The following SOS2 variants were observed in gnomAD, a reference collection of about 807,000 sequenced individuals.
The protein encoded by SOS2 is SOS Ras/Rho guanine nucleotide exchange factor 2.
In SOS2, 65 loss-of-function variants were observed where a neutral mutation model predicts 148.2. The observed-to-expected ratio is 0.44, with a 90% CI of 0.36 to 0.54. The LOEUF (loss-of-function observed/expected upper bound fraction) is 0.54, where lower values mean the gene tolerates loss of function less well. SOS2 is among the 20% of genes least tolerant of loss of function. The probability of loss-of-function intolerance (pLI) is 0.00; values close to 1 mark genes in which losing one functional copy is unlikely to be tolerated. For synonymous variants in SOS2, 539 were observed against 537.1 expected (o/e 1.00, Z -0.05); for missense variants, 1,341 against 1,590.2 (o/e 0.84, Z 2.67).
Position 50,118,813 on chromosome 14 carries a change from G to A in SOS2, c.3530C>T (p.Pro1177Leu), listed in dbSNP as rs1566814839. 3 of 1,531,924 alleles carry A rather than the reference G, an allele frequency of 2.0e-6. No individual in the cohort carries two copies. Among genetic ancestry groups the A allele is most frequent in the Non-Finnish European group, 2.6e-6 (3 of 1,133,006 alleles). The allele number at this position is 1,531,924 out of a possible 1,614,324, so 94.9% of individuals were successfully genotyped here. ...TACCTTTGGAGGAGGAGGCTGTCTC[G>A]GTGGAATAGCAGGAGGATCATCATC... ...KSDDDPPAIPPRQPPPPKVKP... is the reference protein window; with the variant it reads ...KSDDDPPAIPLRQPPPPKVKP... Residue 1177 changes from proline to leucine, a missense_variant, in exon 23 of 23, where the codon CCG becomes CTG. Coordinates refer to ENST00000216373, the MANE Select transcript of SOS2 (RefSeq NM_006939.4).
At chr14:50,228,938 T>G (rs1159630809) in intron 1 of SOS2, among the ~76,000 whole-genome samples, 5 of 152,220 alleles carry the variant, frequency 3.3e-5, no homozygotes, top group Non-Finnish European at 4.4e-5. Context: ...AGGAGAGAGA[T>G]ATTCCAATCA....
intron 12 of SOS2, 48 bp downstream of exon 12, chr14:50,156,951 G>GTA (rs111550293): frequency 3.6e-6 from 3 of 844,252 alleles, no homozygotes; most frequent in East Asian, 6.1e-5. Context: ...GTGTGTGTGT[G>GTA]TATATATATG....
chr14:50,151,049 G>A (rs770393552), intron 13 of SOS2, among the ~76,000 whole-genome samples: 9 of 152,100 alleles, frequency 5.9e-5, no homozygotes, highest in Non-Finnish European at 4.4e-5. Context: ...AGTAGAAATA[G>A]GGTTTATCCA....
At chr14:50,158,198 A>G (rs1884878705) in intron 11 of SOS2, among the ~76,000 whole-genome samples, 1 of 152,130 alleles carries the variant, frequency 6.6e-6, no homozygotes, top group Admixed American at 6.5e-5. Flanking sequence ...TTTGTTTTAA[A>G]AGTGGAAAGT....
chr14:50,195,838 G>T (rs962862604), intron 4 of SOS2, among the ~76,000 whole-genome samples: 1 of 152,056 alleles, frequency 6.6e-6, no homozygotes, highest in South Asian at 2.1e-4. Context: ...AGACCAGCCT[G>T]GCCAACATAG....
intron 3 of SOS2, among the ~76,000 whole-genome samples, chr14:50,200,733 A>G (rs942759230): frequency 1.3e-5 from 2 of 152,294 alleles, no homozygotes; most frequent in Non-Finnish European, 2.9e-5. Flanking sequence ...TATCACTATT[A>G]ATAATTTTTA....
At chr14:50,147,218 A>C (rs570764868) in intron 14 of SOS2, among the ~76,000 whole-genome samples, 8 of 151,596 alleles carry the variant, frequency 5.3e-5, no homozygotes, top group Non-Finnish European at 1.2e-4. Flanking sequence ...AACAACAACA[A>C]CAAAAAACCA....
At chr14:50,141,434 CTGTT>C (rs1174347373) in intron 16 of SOS2, among the ~76,000 whole-genome samples, 3 of 150,538 alleles carry the variant, frequency 2.0e-5, no homozygotes, top group Non-Finnish European at 3.0e-5. Context: ...GGTAGGAAGA[CTGTT>C]TGAGCCTGGG....
At position 50,134,158 on chromosome 14, in the gene SOS2, T is replaced by C; in HGVS notation, c.3040A>G (p.Ile1014Val). ...GGCTGTTTGCAGTTTCGAGGTTCAA[T>C]TTCTAGTGACTTGTTGAACAAATAA... The part of the protein sequence containing the change: ...TDYLFNKSLE[I>V]EPRNCKQPPR... The change falls in exon 19 of 23, where the codon ATT (isoleucine) becomes GTT (valine). Residue 1014 changes from isoleucine to valine, a missense_variant. By Grantham distance (29) the Ile-to-Val change is conservative (BLOSUM62 3). This residue lies in a region of SOS2 where 408 missense variants were observed against 506.6 expected (regional missense o/e 0.81). Coordinates refer to ENST00000216373, the MANE Select transcript of SOS2 (RefSeq NM_006939.4). 6.2e-7 allele frequency: 1 copy of C among 1,605,482 alleles called. No homozygotes were observed. Among genetic ancestry groups the C allele is most frequent in the Non-Finnish European group, 8.5e-7 (1 of 1,172,688 alleles).
rs1886989979 is a variant in SOS2 at position 50,214,713 on chromosome 14, T to C, written c.88-10304A>G. Among the ~76,000 whole-genome samples, 4 of 151,570 alleles carry C rather than the reference T, an allele frequency of 2.6e-5. No individual in the cohort carries two copies. In the South Asian group the frequency reaches 8.4e-4, roughly 32 times the overall value. ...ATAAGGCCGTTTCTTTTTTTTTTTT[T>C]TTTTCTTTTTCTTTTAAAGATGAGG... On this transcript the variant is annotated intron_variant, in intron 1 of 22. Coordinates refer to ENST00000216373, the MANE Select transcript of SOS2 (RefSeq NM_006939.4).
intron 19 of SOS2, among the ~76,000 whole-genome samples, chr14:50,133,176 T>C (rs1181601507): frequency 1.3e-5 from 2 of 151,668 alleles, no homozygotes; most frequent in African/African-American, 2.4e-5. Flanking sequence ...TTTATGTTTA[T>C]CTTTTAATTC....
At chr14:50,200,880 C>T (rs1886464693) in intron 3 of SOS2, 73 bp downstream of exon 3, 3 of 1,438,762 alleles carry the variant, frequency 2.1e-6, no homozygotes, top group African/African-American at 2.8e-5. Context: ...TACATTAATG[C>T]TTTATAAATA....
chr14:50,169,557 T>C (rs1296650990), intron 8 of SOS2, among the ~76,000 whole-genome samples: 1 of 151,678 alleles, frequency 6.6e-6, no homozygotes, highest in Non-Finnish European at 1.5e-5. Context: ...GGAGAATCAC[T>C]TGAACCTGGG....
At chr14:50,208,506 G>A (rs946315222) in intron 1 of SOS2, among the ~76,000 whole-genome samples, 2 of 151,214 alleles carry the variant, frequency 1.3e-5, no homozygotes, top group Admixed American at 6.6e-5. Context: ...AAAATTAGCC[G>A]GTGTGGTGGC....
At chr14:50,223,111 T>C (rs1307095199) in intron 1 of SOS2, among the ~76,000 whole-genome samples, 1 of 152,162 alleles carries the variant, frequency 6.6e-6, no homozygotes, top group Non-Finnish European at 1.5e-5. Context: ...AAGAATAACT[T>C]AAGATTTTTA....
intron 12 of SOS2, 70 bp downstream of exon 12, chr14:50,156,929 C>A: frequency 2.2e-6 from 2 of 902,776 alleles, no homozygotes; most frequent in Non-Finnish European, 3.3e-6. Flanking sequence ...TGAAAACTGA[C>A]ACATAAAATG....
chr14:50,139,980 T>C lies in SOS2; in HGVS notation c.2747A>G (p.Lys916Arg). The change falls in exon 17 of 23, where the codon AAA becomes AGA. Residue 916 changes from lysine (K) to arginine (R), a missense_variant. Physicochemically the swap from Lys to Arg is conservative, Grantham distance 26. Transcript: ENST00000216373. ...SQDHFKKYLV[K>R]LKSINPPCVP... is the part of the protein sequence containing the mutation. ...ACAAGGTGGATTGATTGACTTAAGTTTTACTAGGTATTTTTTAAAGTGATC... is the reference window on the plus strand; with the variant it reads ...ACAAGGTGGATTGATTGACTTAAGTCTTACTAGGTATTTTTTAAAGTGATC... The C allele has an allele frequency of 6.2e-7, 1 of 1,604,648 alleles. No individual in the cohort carries two copies. The highest frequency in any genetic ancestry group is 2.2e-5 in the East Asian group (1 of 44,722).
At chr14:50,206,568 T>C (rs958584287) in intron 1 of SOS2, among the ~76,000 whole-genome samples, 1 of 152,236 alleles carries the variant, frequency 6.6e-6, no homozygotes, top group African/African-American at 2.4e-5. Context: ...TCAGTACAAA[T>C]GCAACCATCC....
At chr14:50,199,903 T>C in intron 3 of SOS2, 48 bp from the exon 4 acceptor site, 1 of 1,182,810 alleles carries the variant, frequency 8.5e-7, no homozygotes, top group Non-Finnish European at 1.2e-6. Flanking sequence ...CACTGTCAAG[T>C]ATTACACACT....
Sources: gnomAD v4.1 joint callset for allele counts (sites outside exome capture counted in the v4.1 genomes callset) on GRCh38, gnomAD v4.1.1 for gene constraint, gnomAD v4.1.1 regional missense constraint, MANE v1.5 for transcripts, NCBI Gene and HGNC (gene_info 2026-07-23, HGNC 2026-07-21) for gene names.